PPARD: variants seen among roughly 807,000 people sequenced by gnomAD.
PPARD encodes the protein peroxisome proliferator activated receptor delta.
In PPARD, 6 loss-of-function variants were observed where a neutral mutation model predicts 39.5. The ratio of observed to expected loss-of-function variants is 0.15; its 90% CI spans 0.08 to 0.30. PPARD has a LOEUF of 0.30. PPARD is among the 10% of genes least tolerant of loss of function. The pLI, the probability that PPARD is intolerant of heterozygous loss-of-function variation, is 1.00. For synonymous variants in PPARD, 210 were observed against 231.3 expected (o/e 0.91, Z 0.83); for missense variants, 397 against 596.8 (o/e 0.67, Z 3.49).
Position 35,347,116 on chromosome 6 carries a change from G to A in PPARD, c.-136G>A. ...ACGTGATACTCACACAGTGGCTTCT[G>A]CTCACCAACAGATGAAGACAGATGC... is the stretch of plus-strand genomic sequence containing the variant. On this transcript the variant is annotated 5_prime_UTR_variant, in exon 2 of 8. Coordinates refer to ENST00000360694, the MANE Select transcript of PPARD (RefSeq NM_006238.5). 1 of 1,536,054 alleles carries A rather than the reference G, an allele frequency of 6.5e-7. No homozygotes were observed. Among genetic ancestry groups the A allele is most frequent in the East Asian group, 2.4e-5 (1 of 40,906 alleles).
At chr6:35,406,119 T>A (rs893180116) in intron 2 of PPARD, among the ~76,000 whole-genome samples, 1 of 151,926 alleles carries the variant, frequency 6.6e-6, no homozygotes, top group Admixed American at 6.6e-5. Context: ...AGAGACAGGG[T>A]TTTGCCATGT....
chr6:35,398,344 T>C (rs534452883), intron 2 of PPARD, among the ~76,000 whole-genome samples: 1 of 152,280 alleles, frequency 6.6e-6, no homozygotes, highest in African/African-American at 2.4e-5. Flanking sequence ...ATTCCGTATA[T>C]TTATTAAAGG....
intron 2 of PPARD, among the ~76,000 whole-genome samples, chr6:35,352,426 TG>T (rs1208871522): frequency 5.9e-5 from 9 of 151,888 alleles, no homozygotes; most frequent in Non-Finnish European, 1.0e-4. Context: ...CCTCATGATC[TG>T]CCCACCTCAG....
rs1581679916 is a variant in PPARD at position 35,424,883 on chromosome 6, G to A, written c.1078+104G>A. 5 of 1,492,478 alleles carry A rather than the reference G, an allele frequency of 3.4e-6. No individual in the cohort carries two copies. The highest frequency in any genetic ancestry group is 4.4e-6 in the Non-Finnish European group (5 of 1,123,698). The allele number at this position is 1,492,478 out of a possible 1,614,324, so 92.5% of individuals were successfully genotyped here. ...GCCTGAGCTCTGACAGTGTGGGGAA[G>A]TGTCCCTGTGATCTTGGCAGTGGAA... On this transcript the variant is annotated intron_variant, in intron 7 of 7. Coordinates refer to ENST00000360694, the MANE Select transcript of PPARD (RefSeq NM_006238.5). The surrounding 1 kb of genome is among the most constrained non-coding windows in gnomAD (Gnocchi z 7.1).
At chr6:35,409,075 C>CT (rs1322634363) in intron 2 of PPARD, among the ~76,000 whole-genome samples, 3 of 152,052 alleles carry the variant, frequency 2.0e-5, no homozygotes, top group Non-Finnish European at 2.9e-5. Context: ...TTTTCCCACT[C>CT]TAATGATTTG....
chr6:35,406,898 G>A (rs1176115998), intron 2 of PPARD, among the ~76,000 whole-genome samples: 4 of 152,298 alleles, frequency 2.6e-5, no homozygotes, highest in African/African-American at 7.2e-5. Flanking sequence ...TGCTGTGTCC[G>A]AAGCTCTGCC....
intron 1 of PPARD, among the ~76,000 whole-genome samples, chr6:35,344,685 T>C (rs1792062711): frequency 6.6e-6 from 1 of 152,202 alleles, no homozygotes; most frequent in South Asian, 2.1e-4. Flanking sequence ...TTGATGATTG[T>C]GCTGTCTTTG....
chr6:35,421,709 C>T (rs1358666683), intron 4 of PPARD, 111 bp from the exon 5 acceptor site: 7 of 1,225,124 alleles, frequency 5.7e-6, no homozygotes, highest in East Asian at 2.6e-5. Flanking sequence ...AATTTCTTCT[C>T]GTTACTTCCA....
intron 2 of PPARD, among the ~76,000 whole-genome samples, chr6:35,351,748 C>A (rs1761264586): frequency 6.6e-6 from 1 of 150,786 alleles, no homozygotes; most frequent in African/African-American, 2.4e-5. Context: ...AAGATGGTGT[C>A]TTGTGATCTT....
chr6:35,378,712 G>T (rs1308853322), intron 2 of PPARD, among the ~76,000 whole-genome samples: 3 of 152,154 alleles, frequency 2.0e-5, no homozygotes, highest in Admixed American at 6.5e-5. Context: ...CCTCCGAGGA[G>T]ACCAGGATGT....
Position 35,369,579 on chromosome 6 carries a change from T to C in PPARD, c.-102+22429T>C, listed in dbSNP as rs9658084. On this transcript the variant is annotated intron_variant, in intron 2 of 7. Transcript: ENST00000360694. The stretch of plus-strand genomic sequence containing the variant: ...TCATACAATATGTGATCTTTTGTGA[T>C]TGGCTTCTGTCACTGGACATAATCA... Among the ~76,000 whole-genome samples the C allele has an allele frequency of 2.1e-3, 316 of 152,376 alleles. 8 individuals carry two copies. In the East Asian group the frequency reaches 0.058, roughly 28 times the overall value.
In PPARD at chr6:35,427,795, C is replaced by T. The variant is rs535755409; in HGVS notation, c.*1716C>T. ...TGCCTGGTCCTCCCTCCCAAGGAGC[C>T]ATTCTGTGTGTGACTCTGGGTGGAA... On this transcript the variant is annotated 3_prime_UTR_variant, in exon 8 of 8. Transcript: ENST00000360694. The T allele has an allele frequency of 6.5e-6, 1 of 152,848 alleles. No individual in the cohort carries two copies. Among genetic ancestry groups the T allele is most frequent in the South Asian group, 2.1e-4 (1 of 4,838 alleles). The allele number at this position is 152,848 out of a possible 1,614,324, so 9.5% of individuals were successfully genotyped here.
chr6:35,349,721 G>T (rs1307888886), intron 2 of PPARD, among the ~76,000 whole-genome samples: 2 of 151,548 alleles, frequency 1.3e-5, no homozygotes, highest in Admixed American at 1.3e-4. Flanking sequence ...ATAGTAGTAG[G>T]TGTATATTTC....
Position 35,420,164 on chromosome 6 carries a change from C to A in PPARD, c.168C>A (p.Asp56Glu). The change falls in exon 4 of 8, where the codon GAC (aspartate) becomes GAA (glutamate). Residue 56 changes from aspartate to glutamate, a missense_variant. Transcript: ENST00000360694. ...SRSSSPPSLL[D>E]QLQMGCDGAS... Reference sequence around the variant, plus strand: ...GCTCCTCGCCACCCTCACTGCTGGACCAACTGCAGATGGGCTGTGACGGGG... The same window carrying A: ...GCTCCTCGCCACCCTCACTGCTGGAACAACTGCAGATGGGCTGTGACGGGG... The A allele has an allele frequency of 6.2e-7, 1 of 1,613,696 alleles. No homozygotes were observed. Among genetic ancestry groups the A allele is most frequent in the Admixed American group, 1.7e-5 (1 of 59,988 alleles).
chr6:35,372,612 G>A (rs989856496), intron 2 of PPARD, among the ~76,000 whole-genome samples: 2 of 152,236 alleles, frequency 1.3e-5, no homozygotes, highest in Non-Finnish European at 1.5e-5. Flanking sequence ...TTCTGCCACA[G>A]TTGTCTTTGT....
At chr6:35,362,026 T>C (rs939548233) in intron 2 of PPARD, among the ~76,000 whole-genome samples, 1 of 152,230 alleles carries the variant, frequency 6.6e-6, no homozygotes, top group Non-Finnish European at 1.5e-5. Flanking sequence ...TTATAGATGA[T>C]TAGAAAATAC....
chr6:35,425,754 C>T lies in PPARD; in HGVS notation c.1079-78C>T. ...CCAAGGAGGCCTGCCGTCCCCTGGG[C>T]CAAGTCACCTCTTGGGGTGGAAGTA... On this transcript the variant is annotated intron_variant, in intron 7 of 7. Transcript: ENST00000360694. This position sits in a 1 kb window ranked among gnomAD's most constrained non-coding sequence, Gnocchi z 4.5. The T allele has an allele frequency of 1.9e-6, 3 of 1,569,780 alleles. No individual in the cohort carries two copies. Among genetic ancestry groups the T allele is most frequent in the East Asian group, 4.5e-5 (2 of 44,584 alleles).
intron 2 of PPARD, among the ~76,000 whole-genome samples, chr6:35,395,341 G>A (rs146175003): frequency 5.6e-4 from 86 of 152,304 alleles, no homozygotes; most frequent in African/African-American, 2.0e-3. Context: ...TTTGGAAGGG[G>A]TGGATGTAAA....
intron 2 of PPARD, among the ~76,000 whole-genome samples, chr6:35,389,601 C>T (rs746397664): frequency 1.6e-4 from 24 of 151,844 alleles, no homozygotes; most frequent in Non-Finnish European, 3.2e-4. Flanking sequence ...GCGTGAGCCA[C>T]CGCGCCCAGC....
Sources: allele counts gnomAD v4.1 joint callset (sites outside exome capture counted in the v4.1 genomes callset), GRCh38; gene constraint gnomAD v4.1.1; non-coding constraint Gnocchi (gnomAD v3.1); transcripts MANE v1.5; gene names NCBI Gene and HGNC (gene_info 2026-07-23, HGNC 2026-07-21).